Variants in ZNF385C observed in about 807,000 individuals in gnomAD.
The protein encoded by ZNF385C is zinc finger protein 385C.
A neutral mutation model predicts 35.4 loss-of-function variants in ZNF385C; 28 were observed. The ratio of observed to expected loss-of-function variants is 0.79; its 90% CI spans 0.59 to 1.08. ZNF385C has a LOEUF of 1.08. Among genes scored for constraint, ZNF385C ranks in the 50% least tolerant of loss-of-function variants. The pLI, the probability that ZNF385C is intolerant of heterozygous loss-of-function variation, is 0.00. For synonymous variants in ZNF385C, 248 were observed against 248.2 expected, an observed-to-expected ratio of 1.00 and a Z score of 0.01; for missense variants, 605 against 595.6, an observed-to-expected ratio of 1.02 and a Z score of -0.16.
At chr17:42,049,118 A>T (rs2053232688) in intron 2 of ZNF385C, among the ~76,000 whole-genome samples, 2 of 152,018 alleles carry the variant, frequency 1.3e-5, no homozygotes, top group South Asian at 2.1e-4. Context: ...GGGTTCCTCC[A>T]GAGTGCCAGG....
intron 1 of ZNF385C, among the ~76,000 whole-genome samples, chr17:42,097,117 C>G (rs2053927152): frequency 6.6e-6 from 1 of 152,108 alleles, no homozygotes; most frequent in African/African-American, 2.4e-5. Context: ...GTGCTAAGCG[C>G]TCTACATGTG....
chr17:42,080,878 G>T (rs943558512), intron 1 of ZNF385C, among the ~76,000 whole-genome samples: 25 of 152,202 alleles, frequency 1.6e-4, no homozygotes, highest in Non-Finnish European at 2.5e-4. Context: ...AGGGGAGGGT[G>T]AAGGACAGAG....
intron 1 of ZNF385C, among the ~76,000 whole-genome samples, chr17:42,063,774 A>G (rs1229929001): frequency 6.6e-6 from 1 of 152,198 alleles, no homozygotes; most frequent in Non-Finnish European, 1.5e-5. Flanking sequence ...CTCTACAGCA[A>G]GCGCTGGCAA....
chr17:42,070,095 A>T (rs2053602730), intron 1 of ZNF385C, among the ~76,000 whole-genome samples: 1 of 152,130 alleles, frequency 6.6e-6, no homozygotes, highest in Non-Finnish European at 1.5e-5. Context: ...CTGTAATCCC[A>T]GCACTTTGGG....
At chr17:42,030,374 G>A (rs2052699288) in intron 5 of ZNF385C, among the ~76,000 whole-genome samples, 1 of 152,122 alleles carries the variant, frequency 6.6e-6, no homozygotes, top group Non-Finnish European at 1.5e-5. Context: ...TGTAGTCCCA[G>A]CTACTTGGAA....
intron 1 of ZNF385C, among the ~76,000 whole-genome samples, chr17:42,096,975 TAA>T (rs58377119): frequency 9.4e-4 from 84 of 89,140 alleles, no homozygotes; most frequent in Non-Finnish European, 1.4e-3. Context: ...CAAGCTTAGC[TAA>T]AAAAAAAAAA....
intron 1 of ZNF385C, among the ~76,000 whole-genome samples, chr17:42,094,212 A>G (rs147929072): frequency 0.053 from 8,065 of 152,022 alleles, 223 homozygotes; most frequent in Non-Finnish European, 0.062. Flanking sequence ...CGAACTTCTG[A>G]CCTCAGGTGA....
At chr17:42,082,773 A>T (rs1177848218) in intron 1 of ZNF385C, among the ~76,000 whole-genome samples, 1 of 152,150 alleles carries the variant, frequency 6.6e-6, no homozygotes, top group East Asian at 1.9e-4. Flanking sequence ...TCTTTACAAA[A>T]AATACAAAAA....
intron 4 of ZNF385C, 125 bp from the exon 5 acceptor site, chr17:42,031,909 C>T (rs2052738720): frequency 9.9e-7 from 1 of 1,014,454 alleles, no homozygotes; most frequent in Non-Finnish European, 1.4e-6. Context: ...AAGGGCAAGT[C>T]CTTGTCCTTG....
intron 2 of ZNF385C, chr17:42,041,296 G>T: frequency 1.0e-6 from 1 of 992,070 alleles, no homozygotes; most frequent in Non-Finnish European, 1.3e-6. Flanking sequence ...CTTGAGGTTA[G>T]ACAGACTTAG....
At chr17:42,035,539 G>A (rs1473552214) in intron 3 of ZNF385C, among the ~76,000 whole-genome samples, 3 of 142,590 alleles carry the variant, frequency 2.1e-5, no homozygotes, top group Non-Finnish European at 4.5e-5. Context: ...GGCTGCTGAC[G>A]ACCTTTTTTT....
chr17:42,071,820 G>A (rs1555658840), intron 1 of ZNF385C, among the ~76,000 whole-genome samples: 2 of 152,142 alleles, frequency 1.3e-5, no homozygotes. Context: ...GGACCCAGAA[G>A]GGGAGCTCCC....
chr17:42,041,549 A>T (rs2053022309), intron 2 of ZNF385C, among the ~76,000 whole-genome samples: 1 of 152,194 alleles, frequency 6.6e-6, no homozygotes, highest in South Asian at 2.1e-4. Flanking sequence ...TTGTGGTAAA[A>T]GCACTTTATG....
chr17:42,037,877 C>A lies in ZNF385C; in HGVS notation c.259G>T (p.Ala87Ser). 1 of 1,525,338 alleles carries A rather than the reference C, an allele frequency of 6.6e-7. No individual in the cohort carries two copies. Among genetic ancestry groups the A allele is most frequent in the Non-Finnish European group, 8.8e-7 (1 of 1,133,222 alleles). 94.5% of individuals were successfully genotyped at this position (1,525,338 alleles called of 1,614,324 possible). ...AGCAGGGGGCTGGGGGCGCCGGAGGCCGGGCCTGCTGCAGGAGGAAGAAGG... is the reference window on the plus strand; with the variant it reads ...AGCAGGGGGCTGGGGGCGCCGGAGGACGGGCCTGCTGCAGGAGGAAGAAGG... The part of the protein sequence containing the change: ...GKSPSGPAGP[A>S]SGAPSPLLAS... Residue 87 changes from alanine to serine, a missense_variant, in exon 3 of 9, where the codon GCC (alanine) becomes TCC (serine). Transcript: ENST00000692273.
chr17:42,077,038 A>G (rs1384529983), intron 1 of ZNF385C, among the ~76,000 whole-genome samples: 1 of 152,150 alleles, frequency 6.6e-6, no homozygotes, highest in Admixed American at 6.5e-5. Context: ...ACTACTGGCC[A>G]GTCTTATCCA....
intron 2 of ZNF385C, among the ~76,000 whole-genome samples, chr17:42,059,882 A>G (rs2053435978): frequency 1.3e-5 from 2 of 152,074 alleles, no homozygotes; most frequent in Non-Finnish European, 2.9e-5. Context: ...TCAGCCTCCC[A>G]AAGTGTTGGG....
intron 2 of ZNF385C, among the ~76,000 whole-genome samples, chr17:42,059,621 G>GTTGTTGT (rs1555657830): frequency 5.3e-5 from 8 of 151,206 alleles, no homozygotes; most frequent in African/African-American, 1.7e-4. Flanking sequence ...TTTTGTTGTT[G>GTTGTTGT]TTGTTTGTTT....
At chr17:42,084,727 C>T (rs151140440) in intron 1 of ZNF385C, among the ~76,000 whole-genome samples, 192 of 152,238 alleles carry the variant, frequency 1.3e-3, no homozygotes, top group Non-Finnish European at 2.0e-3. Flanking sequence ...CCTCCTGCCT[C>T]AACCTCCCAA....
chr17:42,058,038 A>C (rs1193435573), intron 2 of ZNF385C, among the ~76,000 whole-genome samples: 4 of 152,076 alleles, frequency 2.6e-5, no homozygotes, highest in Admixed American at 1.3e-4. Flanking sequence ...AGGGAGACGA[A>C]GTGTGGGTTC....
Sources: allele counts gnomAD v4.1 joint callset (sites outside exome capture counted in the v4.1 genomes callset), GRCh38; gene constraint gnomAD v4.1.1; transcripts MANE v1.5; gene names NCBI Gene and HGNC (gene_info 2026-07-23, HGNC 2026-07-21).